JADE1: variants seen among roughly 807,000 people sequenced by gnomAD.
The protein encoded by JADE1 is jade family PHD finger 1, also known as protein Jade-1.
In JADE1, 14 loss-of-function variants were observed where a neutral mutation model predicts 81.8. The observed-to-expected ratio is 0.17, with a 90% CI of 0.11 to 0.27. JADE1 has a LOEUF of 0.27. JADE1 is among the 10% of genes least tolerant of loss of function. The pLI is 1.00. For missense variants in JADE1, 690 were observed against 1,047.9 expected, an observed-to-expected ratio of 0.66 and a Z score of 4.71; for synonymous variants, 353 against 391.9, an observed-to-expected ratio of 0.90 and a Z score of 1.17.
intron 3 of JADE1, among the ~76,000 whole-genome samples, chr4:128,845,248 C>G (rs2016294): frequency 0.48 from 72,427 of 152,072 alleles, 20,635 homozygotes; most frequent in South Asian, 0.64. Flanking sequence ...TGCCACAGGC[C>G]CAGGAGTCTG....
chr4:128,851,913 C>T (rs913294455), intron 5 of JADE1, 144 bp from the exon 6 acceptor site: 12 of 643,466 alleles, frequency 1.9e-5, no homozygotes, highest in African/African-American at 3.6e-5. Context: ...TGAGCCACCA[C>T]GCCTGGCCAG....
chr4:128,864,071 TTGTG>T (rs1560778244), intron 9 of JADE1: 2 of 985,228 alleles, frequency 2.0e-6, no homozygotes, highest in Non-Finnish European at 2.4e-6. Context: ...AAATCAGGAT[TTGTG>T]TGTGTATGTG....
At chr4:128,820,964 G>A (rs1727510010) in intron 1 of JADE1, among the ~76,000 whole-genome samples, 1 of 152,156 alleles carries the variant, frequency 6.6e-6, no homozygotes, top group East Asian at 1.9e-4. Context: ...ACTCCACCAA[G>A]GATGGAATAA....
At position 128,836,223 on chromosome 4, in the gene JADE1, C is replaced by T. The variant is rs1484880490; in HGVS notation, c.52+4413C>T. 3.3e-5 allele frequency among the ~76,000 whole-genome samples: 5 copies of T among 152,146 alleles called. No homozygotes were observed. In the East Asian group the frequency reaches 9.6e-4, roughly 29 times the overall value. On this transcript the variant is annotated intron_variant, in intron 2 of 10. Coordinates refer to ENST00000226319, the MANE Select transcript of JADE1 (RefSeq NM_199320.4). ...TCCCCCTACCCTGCAAATCAAAATT[C>T]TTTGTATAACTTTTGACTCCCAAAA...
chr4:128,851,943 T>A, intron 5 of JADE1, 114 bp from the exon 6 acceptor site: 1 of 732,384 alleles, frequency 1.4e-6, no homozygotes. Context: ...TTATTTATTG[T>A]ACAATTATTT....
At position 128,857,409 on chromosome 4, in the gene JADE1, G is replaced by T; in HGVS notation, c.936G>T (p.Ala312=). ...CACACATTCCCAGCAGCCGGTGGGCGCTAGTGTGCAGCCTCTGCAATGAGA... is the reference window on the plus strand; with the variant it reads ...CACACATTCCCAGCAGCCGGTGGGCTCTAGTGTGCAGCCTCTGCAATGAGA... ...KVSHIPSSRW[A]LVCSLCNEKF... Residue 312 remains alanine (A), a synonymous_variant, in exon 8 of 11, where the codon GCG becomes GCT. Transcript: ENST00000226319. The T allele has an allele frequency of 3.1e-6, 5 of 1,614,150 alleles. No homozygotes were observed. The highest frequency in any genetic ancestry group is 4.2e-6 in the Non-Finnish European group (5 of 1,179,992).
At chr4:128,840,678 T>A (rs1729361498) in intron 2 of JADE1, among the ~76,000 whole-genome samples, 1 of 152,234 alleles carries the variant, frequency 6.6e-6, no homozygotes, top group East Asian at 1.9e-4. Flanking sequence ...GCGTCTGTCT[T>A]CCTTTTTTCC....
chr4:128,828,295 A>T (rs1280385271), intron 1 of JADE1, among the ~76,000 whole-genome samples: 4 of 152,174 alleles, frequency 2.6e-5, no homozygotes, highest in Non-Finnish European at 5.9e-5. Context: ...TTGCCCTGAG[A>T]GTCAGGAAAG....
At chr4:128,840,877 T>C (rs1211960965) in intron 2 of JADE1, among the ~76,000 whole-genome samples, 1 of 152,248 alleles carries the variant, frequency 6.6e-6, no homozygotes, top group Non-Finnish European at 1.5e-5. Flanking sequence ...GGAGCTCCAG[T>C]TCTGCTGATT....
chr4:128,848,821 T>C (rs1730094101), intron 4 of JADE1, among the ~76,000 whole-genome samples, 159 bp from the exon 5 acceptor site: 1 of 152,196 alleles, frequency 6.6e-6, no homozygotes, highest in South Asian at 2.1e-4. Flanking sequence ...TAACAACTTC[T>C]AGTTAAGGTT....
chr4:128,838,488 A>G (rs1391646393), intron 2 of JADE1, among the ~76,000 whole-genome samples: 7 of 152,200 alleles, frequency 4.6e-5, no homozygotes, highest in Admixed American at 1.3e-4. Flanking sequence ...ATGTGCTTAA[A>G]TTAGTTTGTC....
chr4:128,815,914 T>G (rs1438108191), intron 1 of JADE1, among the ~76,000 whole-genome samples: 4 of 152,108 alleles, frequency 2.6e-5, no homozygotes, highest in African/African-American at 9.7e-5. Flanking sequence ...CATTAAGAGG[T>G]TTAGCTTGAT....
At chr4:128,816,738 G>T in intron 1 of JADE1, among the ~76,000 whole-genome samples, 1 of 152,320 alleles carries the variant, frequency 6.6e-6, no homozygotes, top group East Asian at 1.9e-4. Flanking sequence ...ACTCTAAAAC[G>T]AATTCAGTAT....
intron 5 of JADE1, among the ~76,000 whole-genome samples, chr4:128,851,776 A>G (rs1440625762): frequency 6.6e-6 from 1 of 152,118 alleles, no homozygotes; most frequent in Non-Finnish European, 1.5e-5. Context: ...CAGTTCTCCC[A>G]CCGCAGGCTC....
At chr4:128,837,774 C>T (rs996545065) in intron 2 of JADE1, among the ~76,000 whole-genome samples, 3 of 152,276 alleles carry the variant, frequency 2.0e-5, no homozygotes, top group Admixed American at 2.0e-4. Context: ...TGGTTTAACA[C>T]CCCTAAAGAC....
At chr4:128,826,254 AGAGGC>A in intron 1 of JADE1, among the ~76,000 whole-genome samples, 1 of 152,320 alleles carries the variant, frequency 6.6e-6, no homozygotes, top group African/African-American at 2.4e-5. Context: ...AGCCACGCTG[AGAGGC>A]CTTGTTTCTG....
chr4:128,823,469 GT>G (rs1436094082), intron 1 of JADE1, among the ~76,000 whole-genome samples: 1 of 152,120 alleles, frequency 6.6e-6, no homozygotes, highest in Admixed American at 6.5e-5. Flanking sequence ...AAATATTATA[GT>G]TATTTATTAT....
chr4:128,858,075 C>G (rs1435520233), intron 8 of JADE1, among the ~76,000 whole-genome samples: 1 of 152,100 alleles, frequency 6.6e-6, no homozygotes, highest in African/African-American at 2.4e-5. Flanking sequence ...CTTTATGGCA[C>G]CAGGCGCGCA....
At chr4:128,853,171 C>T (rs529297971) in intron 6 of JADE1, among the ~76,000 whole-genome samples, 10 of 152,186 alleles carry the variant, frequency 6.6e-5, no homozygotes, top group South Asian at 2.1e-4. Context: ...GCACCGTGCC[C>T]GGTCCACATG....
Sources: gnomAD v4.1 joint callset for allele counts (sites outside exome capture counted in the v4.1 genomes callset) on GRCh38, gnomAD v4.1.1 for gene constraint, MANE v1.5 for transcripts, NCBI Gene and HGNC (gene_info 2026-07-23, HGNC 2026-07-21) for gene names.